Variants in PLCL1 observed in about 807,000 individuals in gnomAD.
PLCL1 encodes phospholipase C like 1 (inactive).
PLCL1 carries 41 observed loss-of-function variants against 84.4 expected under a neutral mutation model. That is an observed-to-expected ratio of 0.49 (90% CI 0.38 to 0.63). The LOEUF (loss-of-function observed/expected upper bound fraction) is 0.63. Among genes scored for constraint, PLCL1 ranks in the 30% least tolerant of loss-of-function variants. The pLI is 0.00. For synonymous variants in PLCL1, 490 were observed against 488.3 expected (o/e 1.00, Z -0.05); for missense variants, 1,206 against 1,367.8 (o/e 0.88, Z 1.87).
At chr2:198,089,114 A>T (rs1307656678) in intron 3 of PLCL1, 53 bp downstream of exon 3, 1 of 1,285,576 alleles carries the variant, frequency 7.8e-7, no homozygotes, top group African/African-American at 1.5e-5. Context: ...GTGAAATCAC[A>T]AATAGCAGGG....
intron 4 of PLCL1, among the ~76,000 whole-genome samples, chr2:198,103,156 T>G (rs1165698004): frequency 6.6e-6 from 1 of 152,070 alleles, no homozygotes; most frequent in African/African-American, 2.4e-5. Flanking sequence ...ATAAGACATA[T>G]GCATTCCTCA....
intron 1 of PLCL1, among the ~76,000 whole-genome samples, chr2:198,014,891 G>A (rs1299177106): frequency 1.3e-5 from 2 of 152,004 alleles, no homozygotes; most frequent in Non-Finnish European, 2.9e-5. Flanking sequence ...TTCTGAAAAC[G>A]TAGGCTTATT....
At chr2:197,900,032 T>C (rs558640097) in intron 1 of PLCL1, among the ~76,000 whole-genome samples, 3 of 152,326 alleles carry the variant, frequency 2.0e-5, no homozygotes, top group African/African-American at 7.2e-5. Context: ...GCTAGTACTT[T>C]CCTCACAGCA....
intron 1 of PLCL1, among the ~76,000 whole-genome samples, chr2:198,027,684 T>A (rs1574257122): frequency 6.6e-6 from 1 of 152,296 alleles, no homozygotes; most frequent in African/African-American, 2.4e-5. Context: ...ACTGATATAA[T>A]TCAAATAATA....
At chr2:197,818,694 G>T (rs1291934563) in intron 1 of PLCL1, among the ~76,000 whole-genome samples, 9 of 152,034 alleles carry the variant, frequency 5.9e-5, no homozygotes, top group Admixed American at 5.2e-4. Flanking sequence ...GTGTAAGATT[G>T]GACTGGTAAT....
At chr2:198,071,531 G>A (rs1487394059) in intron 1 of PLCL1, among the ~76,000 whole-genome samples, 1 of 151,442 alleles carries the variant, frequency 6.6e-6, no homozygotes, top group African/African-American at 2.4e-5. Context: ...CATTTTATTT[G>A]TCTATACCTT....
At chr2:198,083,692 A>T in intron 1 of PLCL1, 66 bp from the exon 2 acceptor site, 1 of 1,013,300 alleles carries the variant, frequency 9.9e-7, no homozygotes, top group Non-Finnish European at 1.5e-6. Context: ...AGGAGTTCAT[A>T]GAGTGTTACT....
intron 1 of PLCL1, among the ~76,000 whole-genome samples, chr2:197,837,123 T>C (rs1309242031): frequency 5.3e-5 from 8 of 152,180 alleles, no homozygotes; most frequent in Non-Finnish European, 1.2e-4. Context: ...CACTTGTGCA[T>C]TAAAGTTTAA....
At chr2:198,123,814 G>T (rs1693925972) in intron 5 of PLCL1, among the ~76,000 whole-genome samples, 1 of 152,018 alleles carries the variant, frequency 6.6e-6, no homozygotes, top group Non-Finnish European at 1.5e-5. Context: ...AGGAATCTAG[G>T]TTGTTTGCTC....
chr2:197,909,276 T>G (rs933815751), intron 1 of PLCL1, among the ~76,000 whole-genome samples: 1 of 152,202 alleles, frequency 6.6e-6, no homozygotes, highest in Non-Finnish European at 1.5e-5. Flanking sequence ...TTGCCCATTC[T>G]GGTTTGAAAG....
intron 1 of PLCL1, among the ~76,000 whole-genome samples, chr2:197,909,395 A>G (rs571955328): frequency 4.1e-4 from 62 of 151,944 alleles, no homozygotes; most frequent in Non-Finnish European, 8.2e-4. Flanking sequence ...GGAAGAACTA[A>G]GACTTGCTCC....
At chr2:198,105,775 G>A (rs1295438316) in intron 5 of PLCL1, among the ~76,000 whole-genome samples, 2 of 151,898 alleles carry the variant, frequency 1.3e-5, no homozygotes, top group African/African-American at 2.4e-5. Context: ...TAGGGCCATT[G>A]AGGATTTTTA....
chr2:197,970,215 A>G (rs950367763), intron 1 of PLCL1, among the ~76,000 whole-genome samples: 1 of 152,160 alleles, frequency 6.6e-6, no homozygotes, highest in African/African-American at 2.4e-5. Flanking sequence ...ATGTTATCCT[A>G]TGGTGGGAGG....
intron 1 of PLCL1, among the ~76,000 whole-genome samples, chr2:197,998,270 C>T (rs934683786): frequency 9.4e-5 from 14 of 148,538 alleles, no homozygotes; most frequent in African/African-American, 1.2e-4. Context: ...ATGTGTTGAA[C>T]GATACTGTGG....
intron 1 of PLCL1, among the ~76,000 whole-genome samples, chr2:197,932,653 G>T (rs1185185679): frequency 6.6e-6 from 1 of 152,108 alleles, no homozygotes; most frequent in Non-Finnish European, 1.5e-5. Flanking sequence ...TCACTATTTT[G>T]CATGTGTATA....
At chr2:197,835,467 C>A (rs2105661597) in intron 1 of PLCL1, among the ~76,000 whole-genome samples, 1 of 152,290 alleles carries the variant, frequency 6.6e-6, no homozygotes, top group South Asian at 2.1e-4. Flanking sequence ...TCATATTCCA[C>A]CCCTCCCCAT....
chr2:197,842,732 A>G (rs1391625007), intron 1 of PLCL1, among the ~76,000 whole-genome samples: 3 of 152,162 alleles, frequency 2.0e-5, no homozygotes, highest in East Asian at 1.9e-4. Context: ...CAACAAGGCT[A>G]TTACCAGCAC....
rs142999090 is a variant in PLCL1, at chr2:198,074,570, C to T, written c.241-9188C>T. Among the ~76,000 whole-genome samples the T allele has an allele frequency of 6.9e-4, 105 of 152,174 alleles. 3 individuals are homozygous for T. In the South Asian group the frequency reaches 0.013, roughly 20 times the overall value. On this transcript the variant is annotated intron_variant, in intron 1 of 5. Transcript: ENST00000428675. ...TCGAGAATGGTGTGAACCTGGGAGG[C>T]GGAGCTTGCAGTGAGCCGAGATCGA...
chr2:197,899,861 T>C (rs1013597167), intron 1 of PLCL1, among the ~76,000 whole-genome samples: 2 of 151,954 alleles, frequency 1.3e-5, no homozygotes, highest in African/African-American at 4.8e-5. Context: ...GGTCTCGATC[T>C]CCTGACCTCG....
Sources: gnomAD v4.1 joint callset for allele counts (sites outside exome capture counted in the v4.1 genomes callset) on GRCh38, gnomAD v4.1.1 for gene constraint, MANE v1.5 for transcripts, NCBI Gene and HGNC (gene_info 2026-07-23, HGNC 2026-07-21) for gene names.